The following MRTFB variants were observed in gnomAD, a reference collection of about 807,000 sequenced individuals.
MRTFB encodes the protein myocardin related transcription factor B, also known as myocardin-related transcription factor B.
MRTFB carries 29 observed loss-of-function variants against 104.2 expected under a neutral mutation model. That is an observed-to-expected ratio of 0.28 (90% CI 0.21 to 0.38). The LOEUF is 0.38. MRTFB is among the 10% of genes least tolerant of loss of function. MRTFB has a pLI of 1.00. For missense variants in MRTFB, 1,270 were observed against 1,341.6 expected (o/e 0.95, Z 0.83); for synonymous variants, 535 against 519.5 (o/e 1.03, Z -0.41).
chr16:14,061,579 T>C, the MRTFB span, among the ~76,000 whole-genome samples: 1 of 150,570 alleles, frequency 6.6e-6, no homozygotes, highest in Non-Finnish European at 1.5e-5. Flanking sequence ...TTTTTTTTTT[T>C]TTTTTTTTGG....
the MRTFB span, among the ~76,000 whole-genome samples, chr16:14,029,445 T>TATATATATAC: frequency 4.7e-4 from 40 of 85,958 alleles, no homozygotes; most frequent in East Asian, 8.3e-4. Context: ...TATATATATA[T>TATATATATAC]ACACACACAC....
intron 3 of MRTFB, among the ~76,000 whole-genome samples, chr16:14,153,910 A>G (rs2038727339): frequency 1.3e-5 from 2 of 152,178 alleles, no homozygotes; most frequent in South Asian, 4.2e-4. Flanking sequence ...AACCACCAAC[A>G]TGGATTATTT....
chr16:14,227,712 A>C (rs770551395), intron 8 of MRTFB, among the ~76,000 whole-genome samples: 6 of 152,098 alleles, frequency 3.9e-5, no homozygotes, highest in African/African-American at 1.2e-4. Context: ...GGGTTTCACC[A>C]TGTTGGTCAG....
At chr16:14,050,164 G>GAC in the MRTFB span, among the ~76,000 whole-genome samples, 16,646 of 149,870 alleles carry the variant, frequency 0.11, 1,367 homozygotes, top group African/African-American at 0.23. Flanking sequence ...CAGACAGACA[G>GAC]ACACACACAC....
chr16:14,260,767 C>T, intron 16 of MRTFB, 142 bp from the exon 17 acceptor site: 1 of 665,112 alleles, frequency 1.5e-6, no homozygotes, highest in Non-Finnish European at 2.5e-6. Flanking sequence ...TGTACCTGAC[C>T]AATAGCATTC....
At chr16:14,159,657 C>T (rs148599837) in intron 3 of MRTFB, among the ~76,000 whole-genome samples, 1,595 of 152,134 alleles carry the variant, frequency 0.01, 30 homozygotes, top group African/African-American at 0.036. Context: ...TGGCCGGGCG[C>T]GGTGGCTCAC....
chr16:14,010,269 T>C, the MRTFB span, among the ~76,000 whole-genome samples: 5 of 152,074 alleles, frequency 3.3e-5, no homozygotes, highest in Admixed American at 1.3e-4. Flanking sequence ...GGATCTTCTA[T>C]TCATATGATA....
At chr16:14,031,965 G>A in the MRTFB span, among the ~76,000 whole-genome samples, 1 of 152,122 alleles carries the variant, frequency 6.6e-6, no homozygotes, top group Admixed American at 6.6e-5. Flanking sequence ...TCTCCACCAT[G>A]CCCAGCTAAT....
chr16:14,235,731 G>GTTA (rs1194061956), intron 9 of MRTFB, among the ~76,000 whole-genome samples: 2 of 152,294 alleles, frequency 1.3e-5, no homozygotes, highest in Non-Finnish European at 1.5e-5. Flanking sequence ...AGGAACACTA[G>GTTA]TTATTATGTT....
chr16:13,999,122 G>A, the MRTFB span, among the ~76,000 whole-genome samples: 1 of 151,200 alleles, frequency 6.6e-6, no homozygotes, highest in South Asian at 2.1e-4. Flanking sequence ...CACAGGAGGT[G>A]GAGGTTGCAG....
intron 2 of MRTFB, among the ~76,000 whole-genome samples, chr16:14,086,496 A>G (rs2034711233): frequency 1.3e-5 from 2 of 152,366 alleles, no homozygotes; most frequent in South Asian, 4.1e-4. Context: ...AATTAAATGT[A>G]GGCAGACTTG....
At chr16:14,141,685 T>G (rs1422658228) in intron 3 of MRTFB, 2 of 152,176 alleles carry the variant, frequency 1.3e-5, no homozygotes, top group Non-Finnish European at 2.9e-5. Flanking sequence ...ACTTACCTTA[T>G]TTAGGAAAGT....
chr16:14,119,098 A>G (rs1290743368), intron 2 of MRTFB, among the ~76,000 whole-genome samples: 1 of 152,212 alleles, frequency 6.6e-6, no homozygotes, highest in Non-Finnish European at 1.5e-5. Flanking sequence ...ATTAAATATA[A>G]TAGAATTTAA....
At chr16:14,069,083 C>T (rs1023365640), upstream of MRTFB, among the ~76,000 whole-genome samples, 2 of 151,528 alleles carry the variant, frequency 1.3e-5, no homozygotes, top group Middle Eastern at 3.4e-3. Context: ...GATTCTCCTG[C>T]CTCAGCCTCC....
intron 2 of MRTFB, among the ~76,000 whole-genome samples, chr16:14,097,667 A>G (rs1288397540): frequency 6.6e-6 from 1 of 152,202 alleles, no homozygotes; most frequent in Non-Finnish European, 1.5e-5. Context: ...TTTCACCCCA[A>G]TAAGGATGAT....
intron 1 of MRTFB, among the ~76,000 whole-genome samples, chr16:14,072,147 G>A (rs2033742045): frequency 6.6e-6 from 1 of 152,158 alleles, no homozygotes; most frequent in Non-Finnish European, 1.5e-5. Context: ...GTTTCAGCAC[G>A]CGATTCCACT....
chr16:14,186,840 C>T (rs557816767), intron 3 of MRTFB: 26 of 1,592,662 alleles, frequency 1.6e-5, no homozygotes, highest in Admixed American at 5.0e-5. Flanking sequence ...GAGTGTTCTG[C>T]GCACCGCACT....
rs117629034 is a variant in MRTFB, at chr16:14,247,380, C to T, written c.2120C>T (p.Pro707Leu). Residue 707 changes from proline to leucine, a missense_variant, in exon 12 of 17, where the codon CCG (proline) becomes CTG (leucine). Physicochemically the swap from Pro to Leu is moderately conservative, Grantham distance 98. Transcript: ENST00000571589. ...QFYVSSQGQP[P>L]PAVVAQPQAL... Reference sequence around the variant, plus strand: ...TATGTGAGTTCCCAGGGACAGCCACCGCCTGCTGTTGTTGCTCAGCCCCAG... The same window carrying T: ...TATGTGAGTTCCCAGGGACAGCCACTGCCTGCTGTTGTTGCTCAGCCCCAG... 242 of 1,613,976 alleles carry T rather than the reference C, an allele frequency of 1.5e-4. No individual in the cohort carries two copies. The East Asian group carries it at 4.5e-3, about 30-fold the overall frequency.
At chr16:14,192,568 C>T (rs1402908807) in intron 3 of MRTFB, among the ~76,000 whole-genome samples, 1 of 152,082 alleles carries the variant, frequency 6.6e-6, no homozygotes, top group Non-Finnish European at 1.5e-5. Flanking sequence ...AGCACAATGC[C>T]AGTTATGTTA....
Sources: gnomAD v4.1 joint callset for allele counts (sites outside exome capture counted in the v4.1 genomes callset) on GRCh38, gnomAD v4.1.1 for gene constraint, MANE v1.5 for transcripts, NCBI Gene and HGNC (gene_info 2026-07-23, HGNC 2026-07-21) for gene names.